GPR89B: variants seen among roughly 807,000 people sequenced by gnomAD.
GPR89B encodes the protein golgi pH regulator B, also known as G protein-coupled receptor 89B.
Under a neutral mutation model 52.4 loss-of-function variants are expected in GPR89B, and 25 were observed. The observed-to-expected ratio is 0.48, with a 90% CI of 0.35 to 0.67. The LOEUF is 0.67. GPR89B is among the 30% of genes least tolerant of loss of function. The probability of loss-of-function intolerance (pLI) is 0.01; values close to 1 mark genes in which losing one functional copy is unlikely to be tolerated. For synonymous variants in GPR89B, 52 were observed against 151.2 expected (o/e 0.34, Z 4.81); for missense variants, 146 against 450.2 (o/e 0.32, Z 6.11).
the GPR89B span, among the ~76,000 whole-genome samples, chr1:148,004,369 G>A: frequency 6.7e-6 from 1 of 149,290 alleles, no homozygotes; most frequent in Admixed American, 6.7e-5. Context: ...GTTTCACCGT[G>A]TTAGCCAGGA....
chr1:147,945,762 T>TC (rs1250035843), intron 5 of GPR89B, among the ~76,000 whole-genome samples: 2 of 151,042 alleles, frequency 1.3e-5, no homozygotes, highest in African/African-American at 2.4e-5. Context: ...GGTCTCACTC[T>TC]CACCCAGGCT....
In GPR89B at chr1:147,943,542, T is replaced by C. The variant is rs782459478; in HGVS notation, c.311T>C (p.Leu104Pro). The part of the protein sequence containing the change: ...IGYFIVSNIR[L>P]LHKQRLLFSC... ...TATTTTATTGTGAGCAATATCCGAC[T>C]ACGTAAGTATTTTACCCTCTCAGTC... is the stretch of plus-strand genomic sequence containing the variant. Residue 104 changes from leucine (L) to proline (P), a missense_variant and splice_region_variant, in exon 4 of 14, where the codon CTA becomes CCA. Leu to Pro is a moderately conservative substitution (Grantham distance 98). Transcript: ENST00000314163. 4 of 1,613,362 alleles carry C rather than the reference T, an allele frequency of 2.5e-6. No individual in the cohort carries two copies. The highest frequency in any genetic ancestry group is 3.4e-6 in the Non-Finnish European group (4 of 1,179,462).
At position 147,928,550 on chromosome 1, in the gene GPR89B, T is replaced by A. The variant is rs377651969; in HGVS notation, c.14T>A (p.Ile5Asn). Reference sequence around the variant, plus strand: ...TTACACTTCGCCATGAGTTTCCTGATCGACTCCAGCATCATGATTACCTCC... The same window carrying A: ...TTACACTTCGCCATGAGTTTCCTGAACGACTCCAGCATCATGATTACCTCC... MSFL[I>N]DSSIMITSQI... Residue 5 changes from isoleucine (I) to asparagine (N), a missense_variant, in exon 1 of 14, where the codon ATC becomes AAC. Coordinates refer to ENST00000314163, the MANE Select transcript of GPR89B (RefSeq NM_016334.5). The A allele has an allele frequency of 1.9e-6, 3 of 1,613,798 alleles. No individual in the cohort carries two copies. In the African/African-American group the frequency reaches 4.0e-5, roughly 22 times the overall value.
rs1389085573 is a variant in GPR89B, at chr1:147,979,194, A to G, written c.910-7005A>G. ...TGTGCCAACTGCCTAGTCAGTCCCA[A>G]TGAGAGAACCTGGTTACCTCAGCCT... On this transcript the variant is annotated intron_variant, in intron 10 of 13. Coordinates refer to ENST00000314163, the MANE Select transcript of GPR89B (RefSeq NM_016334.5). 6.4e-4 allele frequency among the ~76,000 whole-genome samples: 98 copies of G among 151,950 alleles called. 1 individual carries two copies. The South Asian group carries it at 0.014, about 21-fold the overall frequency.
intron 10 of GPR89B, among the ~76,000 whole-genome samples, chr1:147,972,854 C>A (rs1174206088): frequency 6.7e-6 from 1 of 149,472 alleles, no homozygotes; most frequent in African/African-American, 2.5e-5. Context: ...TTGTTCCCTC[C>A]CTGTGTCTGT....
At chr1:147,962,950 T>A (rs1347506203) in intron 7 of GPR89B, among the ~76,000 whole-genome samples, 3 of 143,464 alleles carry the variant, frequency 2.1e-5, no homozygotes, top group Non-Finnish European at 3.0e-5. Flanking sequence ...TATAAAACTT[T>A]CAGAAAAAAA....
At chr1:148,017,461 GC>G in the GPR89B span, among the ~76,000 whole-genome samples, 2 of 151,088 alleles carry the variant, frequency 1.3e-5, no homozygotes, top group Non-Finnish European at 2.9e-5. Flanking sequence ...TAGGCCAGGC[GC>G]GGTGGTTCAT....
At chr1:147,931,507 A>G (rs1223074986) in intron 1 of GPR89B, among the ~76,000 whole-genome samples, 2 of 151,416 alleles carry the variant, frequency 1.3e-5, no homozygotes, top group African/African-American at 4.9e-5. Context: ...TGGATCCTCT[A>G]TAATCTTGCC....
chr1:147,983,181 A>C (rs1242435510), intron 10 of GPR89B, among the ~76,000 whole-genome samples: 1 of 152,264 alleles, frequency 6.6e-6, no homozygotes, highest in African/African-American at 2.4e-5. Flanking sequence ...TTCAAGATGG[A>C]TTAAAGACTT....
the GPR89B span, among the ~76,000 whole-genome samples, chr1:148,015,311 C>CTCTT: frequency 7.5e-6 from 1 of 132,762 alleles, no homozygotes; most frequent in Admixed American, 7.9e-5. Flanking sequence ...CTCTCTCTCT[C>CTCTT]TCTCTCTCTC....
intron 10 of GPR89B, among the ~76,000 whole-genome samples, chr1:147,972,541 A>G (rs1352274226): frequency 2.0e-5 from 3 of 151,730 alleles, no homozygotes; most frequent in Non-Finnish European, 4.4e-5. Flanking sequence ...GTGATATTGC[A>G]TTGTGGTTTT....
At chr1:148,002,190 G>A in the GPR89B span, among the ~76,000 whole-genome samples, 2 of 151,888 alleles carry the variant, frequency 1.3e-5, no homozygotes, top group Admixed American at 1.3e-4. Context: ...CCCTCCTCTT[G>A]GTTACCTGTT....
At chr1:147,970,541 A>ATCTC (rs1230663138) in intron 10 of GPR89B, among the ~76,000 whole-genome samples, 1 of 94,586 alleles carries the variant, frequency 1.1e-5, no homozygotes, top group Non-Finnish European at 2.2e-5. Flanking sequence ...CTCTATCTCT[A>ATCTC]TCTCTCTCTC....
the GPR89B span, among the ~76,000 whole-genome samples, chr1:148,007,432 A>C: frequency 4.6e-5 from 7 of 152,018 alleles, no homozygotes; most frequent in Non-Finnish European, 7.4e-5. Flanking sequence ...GGTGTGTGTC[A>C]TATTTTGATA....
At chr1:148,018,280 G>A in the GPR89B span, among the ~76,000 whole-genome samples, 5 of 144,982 alleles carry the variant, frequency 3.4e-5, no homozygotes, top group Middle Eastern at 3.5e-3. Flanking sequence ...ATAGCCAGGC[G>A]TGGTGGCGGG....
At chr1:148,001,999 C>CA in the GPR89B span, among the ~76,000 whole-genome samples, 1 of 150,262 alleles carries the variant, frequency 6.7e-6, no homozygotes, top group Non-Finnish European at 1.5e-5. Flanking sequence ...TACATGCCTC[C>CA]AGGTGCCTTT....
Position 147,928,688 on chromosome 1 carries a change from G to T in GPR89B, c.42+110G>T, listed in dbSNP as rs6593827. The T allele has an allele frequency of 4.3e-4, 619 of 1,446,770 alleles. 3 individuals are homozygous for T. Among genetic ancestry groups the T allele is most frequent in the African/African-American group, 1.4e-3 (100 of 69,378 alleles). 89.6% of individuals were successfully genotyped at this position (1,446,770 alleles called of 1,614,324 possible). On this transcript the variant is annotated intron_variant, in intron 1 of 13. Coordinates refer to ENST00000314163, the MANE Select transcript of GPR89B (RefSeq NM_016334.5). Reference sequence around the variant, plus strand: ...CGGGGTCTCGCTCCTCTCTTACGCGGCCTGCGCCAGTCACTCTGGCACACA... The same window carrying T: ...CGGGGTCTCGCTCCTCTCTTACGCGTCCTGCGCCAGTCACTCTGGCACACA...
the GPR89B span, among the ~76,000 whole-genome samples, chr1:148,004,859 C>T: frequency 2.4e-5 from 2 of 84,418 alleles, no homozygotes; most frequent in Non-Finnish European, 4.9e-5. Flanking sequence ...CCAGCCTGGC[C>T]AACATAGTGA....
At chr1:147,970,293 C>T (rs1433724208) in intron 10 of GPR89B, among the ~76,000 whole-genome samples, 2 of 151,952 alleles carry the variant, frequency 1.3e-5, no homozygotes, top group African/African-American at 2.4e-5. Context: ...GTCAGGAATT[C>T]GAGAACAGCC....
Sources: gnomAD v4.1 joint callset for allele counts (sites outside exome capture counted in the v4.1 genomes callset) on GRCh38, gnomAD v4.1.1 for gene constraint, MANE v1.5 for transcripts, NCBI Gene and HGNC (gene_info 2026-07-23, HGNC 2026-07-21) for gene names.